CCDC192: variants seen among roughly 807,000 people sequenced by gnomAD.
The protein encoded by CCDC192 is coiled-coil domain-containing protein 192.
intron 5 of CCDC192, among the ~76,000 whole-genome samples, chr5:127,853,672 T>C (rs1191443971): frequency 3.3e-5 from 5 of 151,940 alleles, no homozygotes; most frequent in East Asian, 1.9e-4. Context: ...ACTCTGGAGG[T>C]TGAGGCAGAA....
chr5:127,818,672 G>A (rs1215558557), intron 5 of CCDC192, among the ~76,000 whole-genome samples: 1 of 152,136 alleles, frequency 6.6e-6, no homozygotes, highest in Admixed American at 6.6e-5. Context: ...CATCAGGTAT[G>A]CCAGTGATAC....
In CCDC192 at chr5:127,900,066, A is replaced by G. The variant is rs371103286; in HGVS notation, c.535+24405A>G. 1.5e-3 allele frequency among the ~76,000 whole-genome samples: 223 copies of G among 152,366 alleles called. 1 individual carries two copies. The highest frequency in any genetic ancestry group is 5.1e-3 in the African/African-American group (211 of 41,580). On this transcript the variant is annotated intron_variant, in intron 6 of 6. Coordinates refer to ENST00000514853, the MANE Select transcript of CCDC192 (RefSeq NM_001317938.2). ...ATGTTAACACTTACTTTGAATATCTAGCATTCAGAAGAAAGAGTGTAGAGC... is the reference window on the plus strand; with the variant it reads ...ATGTTAACACTTACTTTGAATATCTGGCATTCAGAAGAAAGAGTGTAGAGC...
intron 5 of CCDC192, among the ~76,000 whole-genome samples, chr5:127,836,682 AC>A (rs1750052939): frequency 5.5e-5 from 1 of 18,216 alleles, no homozygotes; most frequent in South Asian, 9.7e-4. Context: ...TGGGGATAGG[AC>A]CCACTGAAGC....
At chr5:127,899,616 T>C (rs973441297) in intron 6 of CCDC192, among the ~76,000 whole-genome samples, 3 of 150,956 alleles carry the variant, frequency 2.0e-5, no homozygotes, top group Non-Finnish European at 4.4e-5. Context: ...TAAACAGCTG[T>C]CCATTCAAAC....
chr5:127,836,386 C>T (rs1323246252), intron 5 of CCDC192, among the ~76,000 whole-genome samples: 1 of 152,142 alleles, frequency 6.6e-6, no homozygotes, highest in African/African-American at 2.4e-5. Context: ...GTGCATGGTG[C>T]AAGCTGTCAG....
At chr5:127,728,379 G>A (rs140007359) in intron 2 of CCDC192, among the ~76,000 whole-genome samples, 1 of 152,134 alleles carries the variant, frequency 6.6e-6, no homozygotes, top group Non-Finnish European at 1.5e-5. Flanking sequence ...GAAAAGATTG[G>A]GGGGACAATA....
chr5:127,735,044 G>C (rs1277222991), intron 2 of CCDC192, among the ~76,000 whole-genome samples: 1 of 126,920 alleles, frequency 7.9e-6, no homozygotes, highest in South Asian at 2.8e-4. Context: ...TTTCTTCTAG[G>C]GTTTTTATGG....
At chr5:127,780,503 A>G (rs1756148714) in intron 3 of CCDC192, among the ~76,000 whole-genome samples, 1 of 151,940 alleles carries the variant, frequency 6.6e-6, no homozygotes, top group Admixed American at 6.6e-5. Flanking sequence ...TTATTTTTTG[A>G]TTATGGCAAT....
At chr5:127,898,576 G>T (rs1041928802) in intron 6 of CCDC192, among the ~76,000 whole-genome samples, 3 of 152,176 alleles carry the variant, frequency 2.0e-5, no homozygotes, top group Admixed American at 2.0e-4. Flanking sequence ...GTGAGAAGGA[G>T]GGAGGAGGAA....
At chr5:127,907,831 C>T (rs951986725) in intron 6 of CCDC192, among the ~76,000 whole-genome samples, 2 of 152,128 alleles carry the variant, frequency 1.3e-5, no homozygotes, top group Non-Finnish European at 2.9e-5. Context: ...AATCTTTAGC[C>T]GGTTTGTAAA....
chr5:127,848,416 A>G (rs946070673), intron 5 of CCDC192, among the ~76,000 whole-genome samples: 1 of 152,282 alleles, frequency 6.6e-6, no homozygotes, highest in East Asian at 1.9e-4. Context: ...CCTGATATCC[A>G]TTGGCTATCC....
chr5:127,934,452 T>C (rs1754134405), intron 6 of CCDC192, among the ~76,000 whole-genome samples: 1 of 152,206 alleles, frequency 6.6e-6, no homozygotes, highest in Non-Finnish European at 1.5e-5. Context: ...TTTTTCCAAA[T>C]CAATTAACAC....
chr5:127,926,218 T>G (rs1032241383), intron 6 of CCDC192, among the ~76,000 whole-genome samples: 1 of 152,136 alleles, frequency 6.6e-6, no homozygotes, highest in African/African-American at 2.4e-5. Context: ...CTAAGTTAGG[T>G]TTTCAATTTT....
At chr5:127,758,471 C>A (rs530759083) in intron 3 of CCDC192, among the ~76,000 whole-genome samples, 1 of 152,180 alleles carries the variant, frequency 6.6e-6, no homozygotes, top group African/African-American at 2.4e-5. Flanking sequence ...GCAATTAAGA[C>A]TTATAATCTG....
intron 6 of CCDC192, among the ~76,000 whole-genome samples, chr5:127,917,842 G>GA (rs923759118): frequency 2.6e-5 from 4 of 152,060 alleles, no homozygotes; most frequent in African/African-American, 9.7e-5. Context: ...ACGTGCTGTT[G>GA]AAAAAATGGC....
rs553402830 is a variant in CCDC192, at chr5:127,779,452, C to G, written c.223-17651C>G. Among the ~76,000 whole-genome samples, 31 of 152,032 alleles carry G rather than the reference C, an allele frequency of 2.0e-4. No homozygotes were observed. The East Asian group carries it at 6.0e-3, about 29-fold the overall frequency. On this transcript the variant is annotated intron_variant, in intron 3 of 6. Coordinates refer to ENST00000514853, the MANE Select transcript of CCDC192 (RefSeq NM_001317938.2). Reference sequence around the variant, plus strand: ...CTGGGACTACAGGTGCCCGCCACCACGCCTGGCTAATTTATTGTATTTTTA... The same window carrying G: ...CTGGGACTACAGGTGCCCGCCACCAGGCCTGGCTAATTTATTGTATTTTTA...
chr5:127,849,299 C>A (rs188482566), intron 5 of CCDC192, among the ~76,000 whole-genome samples: 1 of 152,114 alleles, frequency 6.6e-6, no homozygotes, highest in East Asian at 1.9e-4. Flanking sequence ...CTGCCTTATT[C>A]TCCCCAGTTC....
intron 2 of CCDC192, among the ~76,000 whole-genome samples, chr5:127,711,629 TCTTTC>T (rs755924194): frequency 3.3e-5 from 5 of 152,328 alleles, no homozygotes; most frequent in South Asian, 2.1e-4. Context: ...TTCAAAAGAT[TCTTTC>T]CTTTGATGAG....
chr5:127,780,409 T>C (rs1352960616), intron 3 of CCDC192, among the ~76,000 whole-genome samples: 1 of 152,210 alleles, frequency 6.6e-6, no homozygotes, highest in African/African-American at 2.4e-5. Flanking sequence ...CTGTTTTCCA[T>C]AGTGGTTGTA....
Sources: allele counts gnomAD v4.1 joint callset (sites outside exome capture counted in the v4.1 genomes callset), GRCh38; gene constraint gnomAD v4.1.1; transcripts MANE v1.5; gene names NCBI Gene and HGNC (gene_info 2026-07-23, HGNC 2026-07-21).